RASGRF1: variants seen among roughly 807,000 people sequenced by gnomAD.
RASGRF1 encodes ras-specific guanine nucleotide-releasing factor 1.
Under a neutral mutation model 138.7 loss-of-function variants are expected in RASGRF1, and 40 were observed. The observed-to-expected ratio is 0.29, with a 90% CI of 0.22 to 0.38. The LOEUF is 0.38. Among genes scored for constraint, RASGRF1 ranks in the 10% least tolerant of loss-of-function variants. RASGRF1 has a pLI of 1.00. For synonymous variants in RASGRF1, 614 were observed against 663.2 expected (o/e 0.93, Z 1.14); for missense variants, 1,108 against 1,650.4 (o/e 0.67, Z 5.69).
intron 17 of RASGRF1, 56 bp downstream of exon 17, chr15:78,999,687 C>T: frequency 1.3e-6 from 2 of 1,578,026 alleles, no homozygotes; most frequent in Admixed American, 1.7e-5. Context: ...CTGCTATCAC[C>T]TGCCACTGGG....
At chr15:79,038,800 C>A (rs1395939391) in intron 5 of RASGRF1, among the ~76,000 whole-genome samples, 1 of 152,106 alleles carries the variant, frequency 6.6e-6, no homozygotes, top group East Asian at 1.9e-4. Context: ...CATATCTTTC[C>A]CCACTCCCAA....
At chr15:79,055,941 C>G (rs2057504627) in intron 3 of RASGRF1, among the ~76,000 whole-genome samples, 1 of 152,134 alleles carries the variant, frequency 6.6e-6, no homozygotes, top group Non-Finnish European at 1.5e-5. Flanking sequence ...AGCGACACAG[C>G]CCGTCCTTAT....
Position 79,082,884 on chromosome 15 carries a change from C to A in RASGRF1, c.276+7339G>T, listed in dbSNP as rs1327203491. On this transcript the variant is annotated intron_variant, in intron 1 of 26. Coordinates refer to ENST00000558480, the MANE Select transcript of RASGRF1 (RefSeq NM_001145648.3). ...CTTGCTTCCAGCCTGCGAGAGACCCCAGGGACCTGGGTCACTGCTATAGTG... is the reference window on the plus strand; with the variant it reads ...CTTGCTTCCAGCCTGCGAGAGACCCAAGGGACCTGGGTCACTGCTATAGTG... 6.6e-5 allele frequency among the ~76,000 whole-genome samples: 10 copies of A among 152,286 alleles called. No homozygotes were observed. In the East Asian group the frequency reaches 1.9e-3, roughly 29 times the overall value.
At chr15:78,974,987 G>T (rs28758422) in intron 24 of RASGRF1, among the ~76,000 whole-genome samples, 67,386 of 152,146 alleles carry the variant, frequency 0.44, 16,275 homozygotes, top group African/African-American at 0.64. Flanking sequence ...AGGAGGCAGA[G>T]GCCTGGCGTT....
At chr15:79,058,619 T>A in intron 2 of RASGRF1, 138 bp from the exon 3 acceptor site, 1 of 1,149,362 alleles carries the variant, frequency 8.7e-7, no homozygotes, top group Non-Finnish European at 1.2e-6. Context: ...CCCTGCAGAG[T>A]GAGAGGGCTT....
intron 26 of RASGRF1, among the ~76,000 whole-genome samples, chr15:78,971,021 TTGG>T (rs749897209): frequency 2.6e-5 from 4 of 152,024 alleles, no homozygotes; most frequent in African/African-American, 4.8e-5. Context: ...AGCCAGCCAT[TTGG>T]TGGTGGTGGT....
intron 1 of RASGRF1, among the ~76,000 whole-genome samples, chr15:79,088,294 G>A (rs917002056): frequency 3.9e-5 from 6 of 152,006 alleles, no homozygotes; most frequent in African/African-American, 1.4e-4. Context: ...TGTCCAGGTG[G>A]GTATAATTCA....
At chr15:78,986,874 G>A (rs992446357) in intron 22 of RASGRF1, among the ~76,000 whole-genome samples, 9 of 152,084 alleles carry the variant, frequency 5.9e-5, no homozygotes, top group Non-Finnish European at 1.2e-4. Context: ...ATAACACAAA[G>A]TAGTACATGT....
intron 11 of RASGRF1, among the ~76,000 whole-genome samples, chr15:79,018,124 G>T (rs1332391307): frequency 1.3e-5 from 2 of 152,268 alleles, no homozygotes; most frequent in African/African-American, 4.8e-5. Context: ...CTCAGGGGCA[G>T]TTCCGGATTC....
At chr15:79,020,508 A>G (rs2056945816) in intron 10 of RASGRF1, among the ~76,000 whole-genome samples, 1 of 152,254 alleles carries the variant, frequency 6.6e-6, no homozygotes, top group African/African-American at 2.4e-5. Context: ...CCACAGGAAG[A>G]CAGAGGCTGG....
rs2057357786 is a variant in RASGRF1 at position 79,046,673 on chromosome 15, T to C, written c.878+73A>G. 6.3e-7 allele frequency: 1 copy of C among 1,582,286 alleles called. No individual in the cohort carries two copies. The highest frequency in any genetic ancestry group is 8.6e-7 in the Non-Finnish European group (1 of 1,158,656). On this transcript the variant is annotated intron_variant, in intron 5 of 26. Transcript: ENST00000558480. This position sits in a 1 kb window ranked among gnomAD's most constrained non-coding sequence, Gnocchi z 5.3. Reference sequence around the variant, plus strand: ...ACTCGGTGGGAACCACGTGAGAGAGTGTGTCAAAGCTTAGCTGCGGCCAAT... The same window carrying C: ...ACTCGGTGGGAACCACGTGAGAGAGCGTGTCAAAGCTTAGCTGCGGCCAAT...
chr15:79,066,707 A>G (rs1408450128), intron 1 of RASGRF1, among the ~76,000 whole-genome samples: 1 of 152,200 alleles, frequency 6.6e-6, no homozygotes, highest in Non-Finnish European at 1.5e-5. Context: ...GTGTACTGGA[A>G]TCCCCTACAG....
At chr15:78,998,909 A>C in intron 17 of RASGRF1, 84 bp from the exon 18 acceptor site, 1 of 1,150,438 alleles carries the variant, frequency 8.7e-7, no homozygotes, top group Non-Finnish European at 1.3e-6. Context: ...TGCCTCTCGG[A>C]TCTGGCTGAG....
At chr15:79,076,119 C>A (rs2057830334) in intron 1 of RASGRF1, among the ~76,000 whole-genome samples, 1 of 152,242 alleles carries the variant, frequency 6.6e-6, no homozygotes, top group African/African-American at 2.4e-5. Flanking sequence ...CCAGATAGCG[C>A]CCCATCCTGT....
chr15:78,967,234 C>A (rs1160957005), intron 26 of RASGRF1, among the ~76,000 whole-genome samples: 5 of 150,878 alleles, frequency 3.3e-5, no homozygotes, highest in Admixed American at 2.6e-4. Context: ...CAGAGTGAGA[C>A]CCTGCCTCAA....
At position 79,027,057 on chromosome 15, in the gene RASGRF1, T is replaced by G. The variant is rs2057067719; in HGVS notation, c.1381+684A>C. 6.6e-6 allele frequency among the ~76,000 whole-genome samples: 1 copy of G among 152,136 alleles called. No homozygotes were observed. The highest frequency in any genetic ancestry group is 1.5e-5 in the Non-Finnish European group (1 of 68,018). Reference sequence around the variant, plus strand: ...ACAGAGAAGGGACTCTGGAGGTCCGTTTGAGGTGGAGGTCACCTGTGAGGC... The same window carrying G: ...ACAGAGAAGGGACTCTGGAGGTCCGGTTGAGGTGGAGGTCACCTGTGAGGC... On this transcript the variant is annotated intron_variant, in intron 9 of 26. Coordinates refer to ENST00000558480, the MANE Select transcript of RASGRF1 (RefSeq NM_001145648.3). The surrounding 1 kb of genome is among the most constrained non-coding windows in gnomAD (Gnocchi z 4.8).
In RASGRF1 at chr15:78,997,362, C is replaced by T. The variant is rs1321529109; in HGVS notation, c.2966+734G>A. On this transcript the variant is annotated intron_variant, in intron 19 of 26. Coordinates refer to ENST00000558480, the MANE Select transcript of RASGRF1 (RefSeq NM_001145648.3). ...AATGCAGGGACTGCTAGCCACATGTCGGGGGTGAAGCTGAGGCTGCTGGGC... is the reference window on the plus strand; with the variant it reads ...AATGCAGGGACTGCTAGCCACATGTTGGGGGTGAAGCTGAGGCTGCTGGGC... Among the ~76,000 whole-genome samples, 6 of 152,192 alleles carry T rather than the reference C, an allele frequency of 3.9e-5. No homozygotes were observed. The East Asian group carries it at 5.8e-4, about 15-fold the overall frequency.
At chr15:79,064,959 TA>T (rs1352924771) in intron 1 of RASGRF1, among the ~76,000 whole-genome samples, 1 of 152,148 alleles carries the variant, frequency 6.6e-6, no homozygotes, top group Non-Finnish European at 1.5e-5. Context: ...GAGCGATGAG[TA>T]AACAGACACG....
chr15:78,997,993 C>A (rs1035637084), intron 19 of RASGRF1, 103 bp downstream of exon 19: 8 of 964,920 alleles, frequency 8.3e-6, no homozygotes, highest in Non-Finnish European at 1.3e-5. Context: ...TTGACAAGGG[C>A]GCTCTTCACC....
Sources: gnomAD v4.1 joint callset for allele counts (sites outside exome capture counted in the v4.1 genomes callset) on GRCh38, gnomAD v4.1.1 for gene constraint, Gnocchi (gnomAD v3.1) non-coding constraint, MANE v1.5 for transcripts, NCBI Gene and HGNC (gene_info 2026-07-23, HGNC 2026-07-21) for gene names.